Variants in TOPAZ1 observed in about 807,000 individuals in gnomAD.
TOPAZ1 encodes testis and ovary specific TOPAZ 1, also known as protein TOPAZ1.
TOPAZ1 carries 66 observed loss-of-function variants against 172.2 expected under a neutral mutation model. That is an observed-to-expected ratio of 0.38 (90% CI 0.31 to 0.47). The LOEUF is 0.47. TOPAZ1 is among the 20% of genes least tolerant of loss of function. The pLI, the probability that TOPAZ1 is intolerant of heterozygous loss-of-function variation, is 0.99. For missense variants in TOPAZ1, 1,822 were observed against 1,972.4 expected, an observed-to-expected ratio of 0.92 and a Z score of 1.44; for synonymous variants, 681 against 683.9, an observed-to-expected ratio of 1.00 and a Z score of 0.07.
At chr3:44,336,572 C>T (rs1315033075), downstream of TOPAZ1, among the ~76,000 whole-genome samples, 7 of 152,182 alleles carry the variant, frequency 4.6e-5, no homozygotes, top group Non-Finnish European at 7.3e-5. Context: ...GAGGCTTGAT[C>T]ATAATCCAGG....
At chr3:44,296,470 G>C (rs1343540755) in intron 12 of TOPAZ1, among the ~76,000 whole-genome samples, 1 of 150,520 alleles carries the variant, frequency 6.6e-6, no homozygotes, top group Non-Finnish European at 1.5e-5. Context: ...CCAGGAATGA[G>C]ACCAGGGTTA....
intron 16 of TOPAZ1, among the ~76,000 whole-genome samples, chr3:44,313,486 G>A (rs1382613769): frequency 1.3e-5 from 2 of 151,602 alleles, no homozygotes; most frequent in African/African-American, 2.4e-5. Context: ...GCATGGTGGC[G>A]GACACCTGTA....
intron 12 of TOPAZ1, among the ~76,000 whole-genome samples, chr3:44,294,573 C>T (rs1454551099): frequency 6.6e-6 from 1 of 152,090 alleles, no homozygotes; most frequent in Non-Finnish European, 1.5e-5. Context: ...TGGCTCATGG[C>T]TCACTGCAGC....
At chr3:44,332,685 T>G (rs1468410987), downstream of TOPAZ1, among the ~76,000 whole-genome samples, 1 of 152,186 alleles carries the variant, frequency 6.6e-6, no homozygotes, top group African/African-American at 2.4e-5. Flanking sequence ...CTGTATCACA[T>G]TCTCCAAGGT....
At position 44,244,454 on chromosome 3, in the gene TOPAZ1, G is replaced by A. The variant is rs1443156019; in HGVS notation, c.1948G>A (p.Glu650Lys). ...GACAGCGACTTCCAAAGATGGTCAG[G>A]AAGCAAATAACTCTGCAGGCAAAAC... ...NLTATSKDGQ[E>K]ANNSAGKTIH... is the part of the protein sequence containing the mutation. Residue 650 changes from glutamate to lysine, a missense_variant, in exon 2 of 20, where the codon GAA becomes AAA. Coordinates refer to ENST00000309765, the MANE Select transcript of TOPAZ1 (RefSeq NM_001145030.2). The A allele has an allele frequency of 1.3e-6, 2 of 1,551,682 alleles. No individual in the cohort carries two copies. Among genetic ancestry groups the A allele is most frequent in the South Asian group, 1.2e-5 (1 of 84,048 alleles).
intron 12 of TOPAZ1, among the ~76,000 whole-genome samples, chr3:44,300,068 A>G (rs2125697774): frequency 6.6e-6 from 1 of 151,262 alleles, no homozygotes; most frequent in African/African-American, 2.4e-5. Context: ...TAACCTGCAC[A>G]TTGTGCACAT....
chr3:44,280,758 C>T (rs1011534904), intron 8 of TOPAZ1, among the ~76,000 whole-genome samples: 7 of 152,318 alleles, frequency 4.6e-5, no homozygotes, highest in East Asian at 1.9e-4. Flanking sequence ...CTGGTGGGGG[C>T]GCTGAGTCAC....
chr3:44,313,427 T>C (rs889940045), intron 16 of TOPAZ1, among the ~76,000 whole-genome samples: 10 of 151,420 alleles, frequency 6.6e-5, no homozygotes, highest in African/African-American at 2.2e-4. Context: ...CTGGCTAACA[T>C]AGTGAAACCC....
chr3:44,244,215 A>C lies in TOPAZ1; in HGVS notation c.1709A>C (p.Asn570Thr). Residue 570 changes from asparagine (N) to threonine (T), a missense_variant, in exon 2 of 20, where the codon AAT becomes ACT. Asn to Thr is a moderately conservative substitution (Grantham distance 65). Transcript: ENST00000309765. ...AAAGAAAAATTAGATTCTAATTCTA[A>C]TTGTTTGTCTTCAGTTTCTGCAGTA... ...SSKEKLDSNS[N>T]CLSSVSAVEP... 1 of 1,549,798 alleles carries C rather than the reference A, an allele frequency of 6.5e-7. No individual in the cohort carries two copies.
chr3:44,262,025 AAC>A (rs760632830), intron 4 of TOPAZ1, among the ~76,000 whole-genome samples: 1 of 152,180 alleles, frequency 6.6e-6, no homozygotes, highest in Non-Finnish European at 1.5e-5. Context: ...TTATATTTAA[AAC>A]ACATTTAAAT....
At chr3:44,311,625 C>A (rs756409429) in intron 16 of TOPAZ1, among the ~76,000 whole-genome samples, 38 of 152,184 alleles carry the variant, frequency 2.5e-4, no homozygotes, top group Non-Finnish European at 4.9e-4. Flanking sequence ...GTGACAGTTT[C>A]AACTAAAAGT....
intron 2 of TOPAZ1, among the ~76,000 whole-genome samples, chr3:44,251,439 G>A (rs1699629362): frequency 6.6e-6 from 1 of 152,062 alleles, no homozygotes; most frequent in South Asian, 2.1e-4. Context: ...TTTTCCTTGG[G>A]CAATAGTTTT....
chr3:44,263,711 TA>T (rs1699799595), intron 5 of TOPAZ1, among the ~76,000 whole-genome samples: 1 of 152,188 alleles, frequency 6.6e-6, no homozygotes, highest in Non-Finnish European at 1.5e-5. Context: ...CTGAAAAACT[TA>T]TTAGAATTAT....
At chr3:44,290,459 G>C (rs143269710) in intron 11 of TOPAZ1, among the ~76,000 whole-genome samples, 2 of 152,264 alleles carry the variant, frequency 1.3e-5, no homozygotes, top group African/African-American at 4.8e-5. Context: ...TTTATAATCA[G>C]GGATGAGGTA....
chr3:44,285,880 AT>A (rs1301024518), intron 9 of TOPAZ1, among the ~76,000 whole-genome samples: 2 of 151,524 alleles, frequency 1.3e-5, no homozygotes, highest in Non-Finnish European at 2.9e-5. Context: ...GAGGATCATT[AT>A]TTTCAATGCA....
chr3:44,294,709 T>C (rs1700175219), intron 12 of TOPAZ1, among the ~76,000 whole-genome samples: 1 of 152,214 alleles, frequency 6.6e-6, no homozygotes, highest in African/African-American at 2.4e-5. Flanking sequence ...TTTCAACATG[T>C]TGCCCAGTCT....
In TOPAZ1 at chr3:44,262,403, C is replaced by T. The variant is rs1198221550; in HGVS notation, c.2956-16C>T. The T allele has an allele frequency of 3.6e-6, 5 of 1,395,034 alleles. No individual in the cohort carries two copies. Among genetic ancestry groups the T allele is most frequent in the Non-Finnish European group, 4.9e-6 (5 of 1,018,162 alleles). 86.4% of individuals were successfully genotyped at this position (1,395,034 alleles called of 1,614,324 possible). ...AGACCTTCACTTGTACTTATTTAAC[C>T]ATAATCTCTTCACAGCATAGATTTA... On this transcript the variant is annotated splice_polypyrimidine_tract_variant and intron_variant, in intron 4 of 19. Coordinates refer to ENST00000309765, the MANE Select transcript of TOPAZ1 (RefSeq NM_001145030.2).
downstream of TOPAZ1, among the ~76,000 whole-genome samples, chr3:44,332,993 GT>G (rs112385784): frequency 5.3e-3 from 731 of 137,114 alleles, 1 homozygote; most frequent in Non-Finnish European, 6.3e-3. Flanking sequence ...TTTTTTTGTG[GT>G]TTTTTTTTTT....
rs868619035 is a variant in TOPAZ1 at position 44,323,224 on chromosome 3, C to T, written c.4604C>T (p.Ser1535Phe). ...TCAAAGAGCATCCCTATTGATTTTT[C>T]CTTTCTCAGAAGATTAATTACTTCT... ...MISKSIPIDF[S>F]FLRRLITSLG... The change falls in exon 18 of 20, where the codon TCC becomes TTC. Residue 1535 changes from serine (S) to phenylalanine (F), a missense_variant. Transcript: ENST00000309765. The T allele has an allele frequency of 6.4e-7, 1 of 1,550,688 alleles. No homozygotes were observed. The highest frequency in any genetic ancestry group is 1.4e-5 in the African/African-American group (1 of 73,136).
Sources: gnomAD v4.1 joint callset for allele counts (sites outside exome capture counted in the v4.1 genomes callset) on GRCh38, gnomAD v4.1.1 for gene constraint, MANE v1.5 for transcripts, NCBI Gene and HGNC (gene_info 2026-07-23, HGNC 2026-07-21) for gene names.